ERC2: variants seen among roughly 807,000 people sequenced by gnomAD.
ERC2 encodes the protein ERC protein 2.
In ERC2, 42 loss-of-function variants were observed where a neutral mutation model predicts 114.8. The ratio of observed to expected loss-of-function variants is 0.37; its 90% CI spans 0.29 to 0.47. The LOEUF (loss-of-function observed/expected upper bound fraction) is 0.47. ERC2 is among the 20% of genes least tolerant of loss of function. The probability of loss-of-function intolerance (pLI) is 0.99; values close to 1 mark genes in which losing one functional copy is unlikely to be tolerated. For missense variants in ERC2, 939 were observed against 1,150.7 expected (o/e 0.82, Z 2.66); for synonymous variants, 454 against 425.5 (o/e 1.07, Z -0.82).
intron 17 of ERC2, among the ~76,000 whole-genome samples, chr3:55,603,976 C>T (rs780132326): frequency 5.3e-5 from 8 of 151,870 alleles, no homozygotes; most frequent in East Asian, 1.9e-4. Flanking sequence ...TGATTTCACC[C>T]CCCCCAGCAT....
chr3:55,756,678 T>C (rs1224981255), intron 14 of ERC2, among the ~76,000 whole-genome samples: 3 of 152,324 alleles, frequency 2.0e-5, no homozygotes, highest in Non-Finnish European at 4.4e-5. Context: ...TCAAATCAGC[T>C]TGAAAACAAA....
intron 2 of ERC2, among the ~76,000 whole-genome samples, chr3:56,318,360 A>G (rs2056966874): frequency 6.6e-6 from 1 of 151,998 alleles, no homozygotes; most frequent in Non-Finnish European, 1.5e-5. Flanking sequence ...ATTTTTTTGT[A>G]GAGATGGGGT....
intron 3 of ERC2, among the ~76,000 whole-genome samples, chr3:56,289,604 T>C (rs1172193910): frequency 1.3e-5 from 2 of 152,228 alleles, no homozygotes; most frequent in Admixed American, 1.3e-4. Flanking sequence ...AAACTCACCG[T>C]GCCTCAAACT....
At chr3:56,200,361 A>AC (rs1459870199) in intron 3 of ERC2, among the ~76,000 whole-genome samples, 1 of 151,682 alleles carries the variant, frequency 6.6e-6, no homozygotes, top group East Asian at 1.9e-4. Context: ...AAAAAAAAAA[A>AC]AACTACCTAG....
rs542561128 is a variant in ERC2 at position 56,378,134 on chromosome 3, C to T, written c.657+56217G>A. ...GACACATGCACACGTATGTTTATTG[C>T]GGCATTATTCACAATAGCAAAGACT... On this transcript the variant is annotated intron_variant, in intron 2 of 17. Coordinates refer to ENST00000288221, the MANE Select transcript of ERC2 (RefSeq NM_015576.3). Among the ~76,000 whole-genome samples, 9 of 151,164 alleles carry T rather than the reference C, an allele frequency of 6.0e-5. No homozygotes were observed. The East Asian group carries it at 1.6e-3, about 26-fold the overall frequency.
intron 2 of ERC2, among the ~76,000 whole-genome samples, chr3:56,311,245 C>CTA (rs2056538106): frequency 1.5e-4 from 4 of 26,100 alleles, no homozygotes; most frequent in Non-Finnish European, 3.8e-4. Flanking sequence ...CTCTCTCTCT[C>CTA]TCTCTCTCTC....
intron 7 of ERC2, among the ~76,000 whole-genome samples, chr3:56,050,447 T>C (rs2075711109): frequency 6.6e-6 from 1 of 152,102 alleles, no homozygotes; most frequent in South Asian, 2.1e-4. Flanking sequence ...TGGAAAAGTG[T>C]TGGGGTCAAG....
chr3:55,623,397 C>A (rs989412326), intron 17 of ERC2, among the ~76,000 whole-genome samples: 2 of 152,178 alleles, frequency 1.3e-5, no homozygotes, highest in East Asian at 1.9e-4. Context: ...GTATAGTGAA[C>A]CCCAAGTTTC....
intron 2 of ERC2, among the ~76,000 whole-genome samples, chr3:56,303,256 C>A (rs2056006292): frequency 6.6e-6 from 1 of 152,190 alleles, no homozygotes; most frequent in Non-Finnish European, 1.5e-5. Context: ...GGCTTTTAAC[C>A]CAATCCTGTT....
At chr3:56,054,964 C>A (rs527856108) in intron 7 of ERC2, among the ~76,000 whole-genome samples, 2 of 152,282 alleles carry the variant, frequency 1.3e-5, no homozygotes, top group African/African-American at 4.8e-5. Flanking sequence ...AGGCTCACAG[C>A]CCTCATGGCA....
intron 14 of ERC2, among the ~76,000 whole-genome samples, chr3:55,747,406 AC>A (rs777541985): frequency 1.3e-5 from 2 of 152,194 alleles, no homozygotes; most frequent in Non-Finnish European, 2.9e-5. Flanking sequence ...CTAAGAGAAC[AC>A]CCAGAATAAA....
intron 15 of ERC2, among the ~76,000 whole-genome samples, chr3:55,704,768 C>A (rs1224955204): frequency 6.6e-6 from 1 of 152,198 alleles, no homozygotes; most frequent in Non-Finnish European, 1.5e-5. Context: ...GGGGAACTTT[C>A]TGGGAGTATG....
At chr3:55,650,325 C>G (rs1000203779) in intron 17 of ERC2, among the ~76,000 whole-genome samples, 1 of 152,192 alleles carries the variant, frequency 6.6e-6, no homozygotes, top group Admixed American at 6.5e-5. Context: ...TCAGTGCACA[C>G]TGGATACCAC....
At chr3:56,204,281 C>G (rs1020133168) in intron 3 of ERC2, among the ~76,000 whole-genome samples, 1 of 152,124 alleles carries the variant, frequency 6.6e-6, no homozygotes. Context: ...TTGCTCACAA[C>G]AGAGTACTCT....
chr3:55,508,381 T>C lies in ERC2; in HGVS notation c.*2935A>G, dbSNP rs1168338818. The C allele has an allele frequency of 1.3e-5, 2 of 152,654 alleles. No homozygotes were observed. The highest frequency in any genetic ancestry group is 6.5e-5 in the Admixed American group (1 of 15,286). The allele number at this position is 152,654 out of a possible 1,614,324, so 9.5% of individuals were successfully genotyped here. ...CAGCACAAAGTACTTCTCATACACA[T>C]GACAACAAATTTATGAACTGTACAT... On this transcript the variant is annotated 3_prime_UTR_variant, in exon 18 of 18. Transcript: ENST00000288221.
chr3:56,465,622 T>C (rs748136909), intron 1 of ERC2, among the ~76,000 whole-genome samples: 13 of 152,166 alleles, frequency 8.5e-5, no homozygotes, highest in Non-Finnish European at 1.9e-4. Context: ...TCAAGAAAAA[T>C]GGAAGAGTGT....
At chr3:55,795,456 C>A (rs1391432320) in intron 14 of ERC2, among the ~76,000 whole-genome samples, 2 of 152,170 alleles carry the variant, frequency 1.3e-5, no homozygotes, top group South Asian at 2.1e-4. Context: ...ACCGTTTTGA[C>A]CCCTGAATCA....
chr3:56,170,582 T>G (rs2082581351), intron 4 of ERC2, among the ~76,000 whole-genome samples: 2 of 117,152 alleles, frequency 1.7e-5, no homozygotes, highest in Non-Finnish European at 1.8e-5. Context: ...AGAAATCTCT[T>G]CTGTTTTTTT....
chr3:56,363,897 G>A (rs1298766090), intron 2 of ERC2, among the ~76,000 whole-genome samples: 1 of 150,890 alleles, frequency 6.6e-6, no homozygotes, highest in Non-Finnish European at 1.5e-5. Context: ...GAGGGGAAGG[G>A]AAGGAAGGGA....
Sources: allele counts gnomAD v4.1 joint callset (sites outside exome capture counted in the v4.1 genomes callset), GRCh38; gene constraint gnomAD v4.1.1; transcripts MANE v1.5; gene names NCBI Gene and HGNC (gene_info 2026-07-23, HGNC 2026-07-21).